The following DLGAP1 variants were observed in gnomAD, a reference collection of about 807,000 sequenced individuals.
DLGAP1 encodes the protein DLG associated protein 1, also known as disks large-associated protein 1.
Under a neutral mutation model 90.8 loss-of-function variants are expected in DLGAP1, and 11 were observed. The observed-to-expected ratio is 0.12, with a 90% CI of 0.08 to 0.20. DLGAP1 has a LOEUF of 0.20. Among genes scored for constraint, DLGAP1 ranks in the 10% least tolerant of loss-of-function variants. DLGAP1 has a pLI of 1.00. For synonymous variants in DLGAP1, 558 were observed against 540.7 expected, an observed-to-expected ratio of 1.03 and a Z score of -0.44; for missense variants, 1,050 against 1,333.8, an observed-to-expected ratio of 0.79 and a Z score of 3.31.
At position 4,084,675 on chromosome 18, in the gene DLGAP1, A is replaced by G. The variant is rs2075656190; in HGVS notation, c.-159+66505T>C. Among the ~76,000 whole-genome samples the G allele has an allele frequency of 6.6e-6, 1 of 152,132 alleles. No individual in the cohort carries two copies. Among genetic ancestry groups the G allele is most frequent in the Admixed American group, 6.6e-5 (1 of 15,264 alleles). ...CTTTGTCTAATCTTACTTCTCCACG[A>G]TTATCTACTTATTTACCAAACTTAG... is the stretch of plus-strand genomic sequence containing the variant. On this transcript the variant is annotated intron_variant, in intron 2 of 12. Transcript: ENST00000315677. The surrounding 1 kb of genome is among the most constrained non-coding windows in gnomAD (Gnocchi z 4.0).
intron 7 of DLGAP1, among the ~76,000 whole-genome samples, chr18:3,644,290 T>C (rs1027984545): frequency 6.6e-6 from 1 of 152,208 alleles, no homozygotes; most frequent in South Asian, 2.1e-4. Flanking sequence ...TTGTTTGTTA[T>C]TGTAGCAAAA....
intron 7 of DLGAP1, chr18:3,708,313 C>A: frequency 2.4e-6 from 1 of 413,954 alleles, no homozygotes; most frequent in South Asian, 1.7e-5. Flanking sequence ...AGCTGTAATT[C>A]CTATCTGAGC....
intron 7 of DLGAP1, among the ~76,000 whole-genome samples, chr18:3,701,890 CTGTG>C (rs1241044675): frequency 6.6e-6 from 1 of 152,014 alleles, no homozygotes; most frequent in East Asian, 1.9e-4. Context: ...AGGAGGGGCT[CTGTG>C]TGTGTGAGAG....
At chr18:4,245,671 A>G (rs993319810) in intron 1 of DLGAP1, among the ~76,000 whole-genome samples, 1 of 152,256 alleles carries the variant, frequency 6.6e-6, no homozygotes, top group East Asian at 1.9e-4. Flanking sequence ...ATAATGATGT[A>G]TCATCAGAAT....
At chr18:4,067,160 C>T (rs990693126) in intron 2 of DLGAP1, among the ~76,000 whole-genome samples, 6 of 151,708 alleles carry the variant, frequency 4.0e-5, no homozygotes, top group African/African-American at 1.5e-4. Context: ...GAACAACAGA[C>T]ACTGGGCCTT....
At chr18:3,685,563 C>CA (rs59737533) in intron 7 of DLGAP1, among the ~76,000 whole-genome samples, 1,530 of 76,448 alleles carry the variant, frequency 0.02, 103 homozygotes, top group Middle Eastern at 0.033. Context: ...GATTCCGTCT[C>CA]AAAAAAAAAA....
chr18:4,357,731 G>A (rs1352467154), intron 1 of DLGAP1, among the ~76,000 whole-genome samples: 4 of 152,202 alleles, frequency 2.6e-5, no homozygotes, highest in Non-Finnish European at 1.5e-5. Flanking sequence ...ACTGCTGCAA[G>A]GTCAGCTAGT....
chr18:4,331,154 C>A (rs1380256565), intron 1 of DLGAP1, among the ~76,000 whole-genome samples: 3 of 151,826 alleles, frequency 2.0e-5, no homozygotes. Context: ...ACAAAGCCAT[C>A]CTAGCTCTCT....
chr18:4,255,026 G>A (rs535283903), intron 1 of DLGAP1, among the ~76,000 whole-genome samples: 5 of 152,208 alleles, frequency 3.3e-5, no homozygotes, highest in African/African-American at 4.8e-5. Flanking sequence ...TAGCATGATG[G>A]ACTAGTGAGG....
chr18:3,742,498 T>C lies in DLGAP1; in HGVS notation c.1187A>G (p.His396Arg). Reference sequence around the variant, plus strand: ...ACTCCGGATCTGGAGTTTGGGTGAGTGTTCATTGGAGATTCTGGAAGGGAA... The same window carrying C: ...ACTCCGGATCTGGAGTTTGGGTGAGCGTTCATTGGAGATTCTGGAAGGGAA... ...ELTTLKISNE[H>R]SPKLQIRSHS... The change falls in exon 6 of 13, where the codon CAC becomes CGC. Residue 396 changes from histidine (H) to arginine (R), a missense_variant. His to Arg is a conservative substitution (Grantham distance 29). Around this residue, in one of 2 missense-constraint regions of DLGAP1, gnomAD observed 565 missense variants for 879.7 expected, o/e 0.64. Coordinates refer to ENST00000315677, the MANE Select transcript of DLGAP1 (RefSeq NM_004746.4). The C allele has an allele frequency of 1.2e-6, 2 of 1,614,060 alleles. No individual in the cohort carries two copies. The highest frequency in any genetic ancestry group is 1.7e-6 in the Non-Finnish European group (2 of 1,179,996).
At chr18:3,657,661 G>T (rs2059542512) in intron 7 of DLGAP1, among the ~76,000 whole-genome samples, 1 of 148,640 alleles carries the variant, frequency 6.7e-6, no homozygotes, top group Non-Finnish European at 1.5e-5. Context: ...GGAGTGCAGT[G>T]GCGCGATCTC....
chr18:4,313,911 G>T (rs2080462259), intron 1 of DLGAP1, among the ~76,000 whole-genome samples: 1 of 152,202 alleles, frequency 6.6e-6, no homozygotes, highest in African/African-American at 2.4e-5. Context: ...CTTAGCTAAA[G>T]TGCAGCCCAG....
intron 2 of DLGAP1, among the ~76,000 whole-genome samples, chr18:4,052,996 C>T (rs754734895): frequency 6.6e-6 from 1 of 152,162 alleles, no homozygotes; most frequent in Non-Finnish European, 1.5e-5. Flanking sequence ...TTCAATAAGT[C>T]TCTAGGGAGT....
intron 4 of DLGAP1, among the ~76,000 whole-genome samples, chr18:3,828,411 G>A (rs537541511): frequency 2.0e-5 from 3 of 152,220 alleles, no homozygotes; most frequent in South Asian, 2.1e-4. Flanking sequence ...AGGCTGAGGC[G>A]GGAGGCTTGC....
chr18:3,835,214 T>C (rs2068298883), intron 4 of DLGAP1, among the ~76,000 whole-genome samples: 1 of 152,200 alleles, frequency 6.6e-6, no homozygotes, highest in Non-Finnish European at 1.5e-5. Flanking sequence ...AGCAGCCCTA[T>C]ACTTAAAAAT....
rs549506951 is a variant in DLGAP1, at chr18:3,583,804, C to T, written c.1592-1556G>A. The stretch of plus-strand genomic sequence containing the variant: ...CTGTACTAAAAATACAAAAATTAGC[C>T]GGGTGTGGTGGTGCATGCCTGTAAT... On this transcript the variant is annotated intron_variant, in intron 7 of 12. Transcript: ENST00000315677. Among the ~76,000 whole-genome samples the T allele has an allele frequency of 6.6e-5, 10 of 152,120 alleles. No individual in the cohort carries two copies. In the East Asian group the frequency reaches 1.7e-3, roughly 26 times the overall value.
chr18:3,651,791 G>A (rs1247346775), intron 7 of DLGAP1, among the ~76,000 whole-genome samples: 1 of 152,106 alleles, frequency 6.6e-6, no homozygotes, highest in Admixed American at 6.6e-5. Flanking sequence ...TGGCTAACAT[G>A]GTGAAACCCT....
intron 1 of DLGAP1, among the ~76,000 whole-genome samples, chr18:4,184,064 G>C (rs2077250625): frequency 6.6e-6 from 1 of 152,122 alleles, no homozygotes; most frequent in South Asian, 2.1e-4. Flanking sequence ...ACTGCAGAAA[G>C]AAGAGCGTTA....
chr18:4,116,837 CAATT>C (rs1427369024), intron 2 of DLGAP1, among the ~76,000 whole-genome samples: 1 of 152,160 alleles, frequency 6.6e-6, no homozygotes. Context: ...TCTGCTAAGT[CAATT>C]ATTTAGGCTC....
Sources: allele counts gnomAD v4.1 joint callset (sites outside exome capture counted in the v4.1 genomes callset), GRCh38; gene constraint gnomAD v4.1.1; regional missense constraint gnomAD v4.1.1; non-coding constraint Gnocchi (gnomAD v3.1); transcripts MANE v1.5; gene names NCBI Gene and HGNC (gene_info 2026-07-23, HGNC 2026-07-21).